Variants in AGMO observed in about 807,000 individuals in gnomAD.
AGMO encodes the protein glyceryl-ether monooxygenase.
In AGMO, 75 loss-of-function variants were observed where a neutral mutation model predicts 60.2. The ratio of observed to expected loss-of-function variants is 1.25; its 90% CI spans 1.03 to 1.51. The LOEUF (loss-of-function observed/expected upper bound fraction) is 1.51. AGMO is among the 40% of genes most tolerant of loss of function. The pLI is 0.00. For synonymous variants in AGMO, 261 were observed against 177.1 expected, an observed-to-expected ratio of 1.47 and a Z score of -3.76; for missense variants, 763 against 525.5, an observed-to-expected ratio of 1.45 and a Z score of -4.42.
At chr7:15,187,904 C>CCG in the AGMO span, among the ~76,000 whole-genome samples, 3 of 151,502 alleles carry the variant, frequency 2.0e-5, no homozygotes, top group African/African-American at 7.3e-5. Flanking sequence ...TTAACTCCCC[C>CCG]CCGACTGCCC....
chr7:15,179,335 T>C, the AGMO span, among the ~76,000 whole-genome samples: 5 of 152,158 alleles, frequency 3.3e-5, no homozygotes, highest in African/African-American at 9.7e-5. Flanking sequence ...CCTCCAGCTG[T>C]GAGCCTGTGA....
intron 12 of AGMO, among the ~76,000 whole-genome samples, chr7:15,324,693 AC>A (rs1380478247): frequency 6.6e-6 from 1 of 152,132 alleles, no homozygotes; most frequent in African/African-American, 2.4e-5. Flanking sequence ...GGGAGAAGAT[AC>A]GGTTTCAGGA....
chr7:15,127,766 T>C, the AGMO span, among the ~76,000 whole-genome samples: 2 of 152,144 alleles, frequency 1.3e-5, no homozygotes, highest in South Asian at 2.1e-4. Flanking sequence ...CACATGTTCA[T>C]TGTTCTATAA....
At chr7:15,458,417 G>C (rs868166999) in intron 3 of AGMO, among the ~76,000 whole-genome samples, 4 of 152,180 alleles carry the variant, frequency 2.6e-5, no homozygotes, top group Middle Eastern at 3.2e-3. Flanking sequence ...CTTGGGAGTG[G>C]TGTGACTTGC....
intron 3 of AGMO, among the ~76,000 whole-genome samples, chr7:15,499,925 A>ACACACG (rs1456540465): frequency 9.4e-5 from 10 of 106,016 alleles, no homozygotes; most frequent in Non-Finnish European, 1.7e-4. Flanking sequence ...ACACACACAC[A>ACACACG]CACACACATA....
the AGMO span, among the ~76,000 whole-genome samples, chr7:15,186,150 T>C: frequency 5.9e-5 from 9 of 152,188 alleles, no homozygotes; most frequent in Admixed American, 4.6e-4. Flanking sequence ...CTAAGGCTGG[T>C]TATTGCTTCA....
chr7:15,197,056 G>GT (rs924615598), downstream of AGMO, among the ~76,000 whole-genome samples: 2,804 of 148,406 alleles, frequency 0.019, 53 homozygotes, highest in African/African-American at 0.043. Context: ...TTTTGTTGTT[G>GT]TTTTTTTTTT....
rs763593489 is a variant in AGMO at position 15,544,747 on chromosome 7, C to A, written c.409+25G>T. 19 of 1,536,738 alleles carry A rather than the reference C, an allele frequency of 1.2e-5. No individual in the cohort carries two copies. In the South Asian group the frequency reaches 2.4e-4, roughly 20 times the overall value. On this transcript the variant is annotated intron_variant, in intron 3 of 12. Transcript: ENST00000342526. The stretch of plus-strand genomic sequence containing the variant: ...CCAAACACAGTTCAACATAAGTTAA[C>A]AAAAAGTCCTCATTTGCAGCTTACC...
intron 4 of AGMO, among the ~76,000 whole-genome samples, chr7:15,429,231 C>T (rs1781160911): frequency 6.6e-6 from 1 of 151,934 alleles, no homozygotes; most frequent in Non-Finnish European, 1.5e-5. Flanking sequence ...AATCTGAGCC[C>T]TAATACCCAC....
chr7:15,177,974 C>A, the AGMO span, among the ~76,000 whole-genome samples: 16 of 152,178 alleles, frequency 1.1e-4, no homozygotes, highest in East Asian at 1.4e-3. Context: ...TTATATATCC[C>A]AATAAATAGT....
At chr7:15,162,859 T>C in the AGMO span, among the ~76,000 whole-genome samples, 37 of 152,276 alleles carry the variant, frequency 2.4e-4, no homozygotes, top group Admixed American at 1.7e-3. Flanking sequence ...TTTGGTCCCA[T>C]ATAAATTGTA....
At chr7:15,191,121 C>T in the AGMO span, among the ~76,000 whole-genome samples, 3,516 of 151,934 alleles carry the variant, frequency 0.023, 66 homozygotes, top group Non-Finnish European at 0.042. Flanking sequence ...TTAAAGGTGA[C>T]CTCAGGAATT....
intron 3 of AGMO, among the ~76,000 whole-genome samples, chr7:15,467,029 A>G (rs997963089): frequency 3.9e-5 from 6 of 152,188 alleles, no homozygotes; most frequent in African/African-American, 1.4e-4. Flanking sequence ...ATGATTTTTA[A>G]GTACTGTTGC....
At chr7:15,552,442 A>T (rs1218309065) in intron 2 of AGMO, among the ~76,000 whole-genome samples, 1 of 151,914 alleles carries the variant, frequency 6.6e-6, no homozygotes, top group Non-Finnish European at 1.5e-5. Context: ...GCTAATATCC[A>T]GAATCTACAA....
chr7:15,433,420 C>A (rs991583830), intron 3 of AGMO, among the ~76,000 whole-genome samples: 1 of 142,672 alleles, frequency 7.0e-6, no homozygotes, highest in Non-Finnish European at 1.5e-5. Flanking sequence ...ACCTCTGTCA[C>A]TTTTCAGAAT....
chr7:15,261,753 C>G (rs1206817162), intron 12 of AGMO, among the ~76,000 whole-genome samples: 1 of 151,788 alleles, frequency 6.6e-6, no homozygotes, highest in Non-Finnish European at 1.5e-5. Flanking sequence ...AAATTATCAA[C>G]AAAATACTGG....
chr7:15,443,691 C>G (rs1162156725), intron 3 of AGMO, among the ~76,000 whole-genome samples: 1 of 152,168 alleles, frequency 6.6e-6, no homozygotes, highest in African/African-American at 2.4e-5. Flanking sequence ...AAAACAAACC[C>G]TGCCTACCAC....
chr7:15,165,726 T>C, the AGMO span, among the ~76,000 whole-genome samples: 1 of 152,152 alleles, frequency 6.6e-6, no homozygotes, highest in Admixed American at 6.6e-5. Context: ...TCTCTTAAAA[T>C]GGGATATAAC....
At chr7:15,276,740 TC>T (rs1448706863) in intron 12 of AGMO, among the ~76,000 whole-genome samples, 1 of 152,140 alleles carries the variant, frequency 6.6e-6, no homozygotes, top group Non-Finnish European at 1.5e-5. Flanking sequence ...ATTTTTAAAA[TC>T]CTCTTTTCTT....
Sources: gnomAD v4.1 joint callset for allele counts (sites outside exome capture counted in the v4.1 genomes callset) on GRCh38, gnomAD v4.1.1 for gene constraint, MANE v1.5 for transcripts, NCBI Gene and HGNC (gene_info 2026-07-23, HGNC 2026-07-21) for gene names.